The following TSPAN5 variants were observed in gnomAD, a reference collection of about 807,000 sequenced individuals.
The protein encoded by TSPAN5 is tetraspanin 5.
In TSPAN5, 10 loss-of-function variants were observed where a neutral mutation model predicts 37.1. The observed-to-expected ratio is 0.27, with a 90% CI of 0.17 to 0.46. The LOEUF is 0.46. Among genes scored for constraint, TSPAN5 ranks in the 20% least tolerant of loss-of-function variants. TSPAN5 has a pLI of 1.00. For missense variants in TSPAN5, 195 were observed against 326.6 expected, an observed-to-expected ratio of 0.60 and a Z score of 3.11; for synonymous variants, 110 against 118.9, an observed-to-expected ratio of 0.93 and a Z score of 0.48.
At chr4:98,511,417 C>A (rs894554989) in intron 1 of TSPAN5, among the ~76,000 whole-genome samples, 1 of 152,172 alleles carries the variant, frequency 6.6e-6, no homozygotes, top group South Asian at 2.1e-4. Flanking sequence ...GGCTACAAAC[C>A]TATACTGCAT....
intron 1 of TSPAN5, among the ~76,000 whole-genome samples, chr4:98,553,305 C>T (rs1006240431): frequency 2.0e-5 from 3 of 152,058 alleles, no homozygotes; most frequent in African/African-American, 7.2e-5. Context: ...AAGTTCAAGG[C>T]TAAAACTCTA....
intron 1 of TSPAN5, among the ~76,000 whole-genome samples, chr4:98,642,809 A>G (rs1376250052): frequency 2.0e-5 from 3 of 152,340 alleles, no homozygotes; most frequent in Admixed American, 6.5e-5. Flanking sequence ...AAGATAAAAA[A>G]TAATTTTTAA....
chr4:98,654,195 G>C (rs1232908061), intron 1 of TSPAN5, among the ~76,000 whole-genome samples: 1 of 152,210 alleles, frequency 6.6e-6, no homozygotes, highest in Non-Finnish European at 1.5e-5. Flanking sequence ...GAGACCCCAA[G>C]TGAGAACTGT....
intron 1 of TSPAN5, among the ~76,000 whole-genome samples, chr4:98,524,658 G>C (rs180821265): frequency 5.6e-4 from 85 of 151,616 alleles, no homozygotes; most frequent in African/African-American, 1.8e-3. Context: ...ACACACTTTA[G>C]CTCTGGTAAA....
At position 98,476,147 on chromosome 4, in the gene TSPAN5, G is replaced by A. The variant is rs202156778; in HGVS notation, c.741+42C>T. 1.6e-5 allele frequency: 23 copies of A among 1,473,768 alleles called. No individual in the cohort carries two copies. In the Admixed American group the frequency reaches 3.5e-4, roughly 23 times the overall value. The allele number at this position is 1,473,768 out of a possible 1,614,324, so 91.3% of individuals were successfully genotyped here. A position where few individuals can be genotyped will look rare whatever the true frequency, so the allele number is the denominator to read the frequency against. On this transcript the variant is annotated intron_variant, in intron 7 of 7. Transcript: ENST00000305798. ...CGATCCTGGCAAGGGCTCTCCCAGG[G>A]CATTATTTCCCTGTGATATCCATAA...
Position 98,630,787 on chromosome 4 carries a change from C to T in TSPAN5, c.81+27359G>A, listed in dbSNP as rs540695438. On this transcript the variant is annotated intron_variant, in intron 1 of 7. Transcript: ENST00000305798. ...ATTACTCTGAATTTGAAGCCCTCCT[C>T]CCCTTGAAGTAAGGCCTACTGGCTT... Among the ~76,000 whole-genome samples, 14 of 152,324 alleles carry T rather than the reference C, an allele frequency of 9.2e-5. No homozygotes were observed. The South Asian group carries it at 2.9e-3, about 32-fold the overall frequency.
At chr4:98,615,338 C>T (rs1756299041) in intron 1 of TSPAN5, among the ~76,000 whole-genome samples, 1 of 152,230 alleles carries the variant, frequency 6.6e-6, no homozygotes. Flanking sequence ...ACTTTTCCCT[C>T]TCTCTTAGCA....
intron 1 of TSPAN5, among the ~76,000 whole-genome samples, chr4:98,631,575 G>A (rs773105499): frequency 6.6e-6 from 1 of 152,078 alleles, no homozygotes; most frequent in Non-Finnish European, 1.5e-5. Flanking sequence ...AACATGAAGG[G>A]AGCCACCACT....
chr4:98,498,653 C>T (rs993872393), intron 2 of TSPAN5, among the ~76,000 whole-genome samples: 3 of 152,102 alleles, frequency 2.0e-5, no homozygotes, highest in African/African-American at 7.2e-5. Flanking sequence ...CTGCCCAGGG[C>T]CTGGGGGTGG....
chr4:98,585,298 G>A (rs1445114881), intron 1 of TSPAN5, among the ~76,000 whole-genome samples: 1 of 151,704 alleles, frequency 6.6e-6, no homozygotes, highest in African/African-American at 2.4e-5. Context: ...AGTCTCCAAT[G>A]TCTATTATTC....
intron 1 of TSPAN5, chr4:98,574,540 AG>A (rs1755191798): frequency 6.6e-6 from 1 of 152,214 alleles, no homozygotes; most frequent in Non-Finnish European, 1.5e-5. Flanking sequence ...GCTTCATCCA[AG>A]GGCCCTATCA....
intron 1 of TSPAN5, among the ~76,000 whole-genome samples, chr4:98,623,518 CA>C (rs1756527976): frequency 6.6e-6 from 1 of 152,186 alleles, no homozygotes; most frequent in African/African-American, 2.4e-5. Context: ...TTTTGTTCCT[CA>C]AAAGCCATAG....
intron 1 of TSPAN5, among the ~76,000 whole-genome samples, chr4:98,541,142 A>C (rs974976276): frequency 2.0e-5 from 3 of 152,218 alleles, no homozygotes; most frequent in African/African-American, 7.2e-5. Context: ...AGCTGGCCTC[A>C]TTCCCTCCTT....
chr4:98,491,779 G>T (rs1449198794), intron 2 of TSPAN5, among the ~76,000 whole-genome samples: 2 of 151,698 alleles, frequency 1.3e-5, no homozygotes, highest in Non-Finnish European at 2.9e-5. Context: ...GTCTTCTGTT[G>T]TCCTAAAGAT....
intron 1 of TSPAN5, among the ~76,000 whole-genome samples, chr4:98,566,448 A>C (rs1229491921): frequency 6.6e-6 from 1 of 152,186 alleles, no homozygotes; most frequent in Admixed American, 6.5e-5. Flanking sequence ...AAAAGATGGC[A>C]GTGGGGATGT....
At chr4:98,605,836 T>C (rs1292555761) in intron 1 of TSPAN5, among the ~76,000 whole-genome samples, 7 of 152,178 alleles carry the variant, frequency 4.6e-5, no homozygotes, top group African/African-American at 1.7e-4. Flanking sequence ...GTCAAAAAAA[T>C]CACGAACCAT....
chr4:98,559,122 T>C (rs2110166198), intron 1 of TSPAN5, among the ~76,000 whole-genome samples: 1 of 109,852 alleles, frequency 9.1e-6, no homozygotes, highest in South Asian at 4.8e-4. Flanking sequence ...AAACAAGCCT[T>C]TCAAGAATTC....
intron 1 of TSPAN5, among the ~76,000 whole-genome samples, chr4:98,629,178 A>G (rs1245534947): frequency 6.6e-6 from 1 of 152,222 alleles, no homozygotes; most frequent in South Asian, 2.1e-4. Context: ...AAGAATGGAT[A>G]ATTTGTCTAT....
chr4:98,528,484 G>A (rs550951009), intron 1 of TSPAN5, among the ~76,000 whole-genome samples: 26 of 145,474 alleles, frequency 1.8e-4, no homozygotes, highest in South Asian at 2.2e-4. Context: ...TATTTAATCT[G>A]CTTTGGTATT....
Sources: gnomAD v4.1 joint callset for allele counts (sites outside exome capture counted in the v4.1 genomes callset) on GRCh38, gnomAD v4.1.1 for gene constraint, MANE v1.5 for transcripts, NCBI Gene and HGNC (gene_info 2026-07-23, HGNC 2026-07-21) for gene names.